HMCN1: variants seen among roughly 807,000 people sequenced by gnomAD.
HMCN1 encodes the protein hemicentin 1.
A neutral mutation model predicts 625.9 loss-of-function variants in HMCN1; 321 were observed. The observed-to-expected ratio is 0.51, with a 90% CI of 0.47 to 0.56. The LOEUF (loss-of-function observed/expected upper bound fraction) is 0.56. Among genes scored for constraint, HMCN1 ranks in the 20% least tolerant of loss-of-function variants. The pLI is 0.00. For missense variants in HMCN1, 6,588 were observed against 6,887.3 expected (o/e 0.96, Z 1.54); for synonymous variants, 2,425 against 2,417.6 (o/e 1.00, Z -0.09).
intron 100 of HMCN1, 80 bp downstream of exon 100, chr1:186,167,022 T>C: frequency 6.4e-7 from 1 of 1,556,200 alleles, no homozygotes; most frequent in Non-Finnish European, 8.9e-7. Context: ...AAGTTAACTG[T>C]CTCAGAAACT....
rs193921043 is a variant in HMCN1 at position 186,189,762 on chromosome 1, C to A, written c.16792C>A (p.Arg5598=). ...AGTGGTGTATACAACACGACCACTA[C>A]GAGAAGCAGAGACCTACCGCATGAG... The part of the protein sequence containing the change: ...KGVVYTTRPL[R]EAETYRMRVR... Residue 5598 remains arginine (R), a synonymous_variant, in exon 107 of 107, where the codon CGA becomes AGA. Coordinates refer to ENST00000271588, the MANE Select transcript of HMCN1 (RefSeq NM_031935.3). 3 of 1,613,674 alleles carry A rather than the reference C, an allele frequency of 1.9e-6. No individual in the cohort carries two copies. The Admixed American group carries it at 5.0e-5, about 27-fold the overall frequency.
intron 81 of HMCN1, among the ~76,000 whole-genome samples, chr1:186,123,624 A>G (rs553510633): frequency 6.6e-6 from 1 of 152,172 alleles, no homozygotes; most frequent in Non-Finnish European, 1.5e-5. Flanking sequence ...GAGAATTAGG[A>G]GATCTATTTG....
intron 1 of HMCN1, among the ~76,000 whole-genome samples, chr1:185,840,381 G>A (rs1661405871): frequency 6.6e-6 from 1 of 152,098 alleles, no homozygotes; most frequent in Non-Finnish European, 1.5e-5. Context: ...CTTATATTAA[G>A]TGACTAAGAG....
At chr1:186,017,641 A>G (rs965502468) in intron 33 of HMCN1, among the ~76,000 whole-genome samples, 2 of 152,078 alleles carry the variant, frequency 1.3e-5, no homozygotes, top group African/African-American at 2.4e-5. Flanking sequence ...AAATTCAGAA[A>G]TGTAAAAATA....
chr1:185,822,285 G>A (rs892717367), intron 1 of HMCN1, among the ~76,000 whole-genome samples: 5 of 152,134 alleles, frequency 3.3e-5, no homozygotes, highest in South Asian at 2.1e-4. Flanking sequence ...TGATAATGGC[G>A]GAGGTTGTGG....
At chr1:185,912,712 A>G (rs1259288118) in intron 6 of HMCN1, among the ~76,000 whole-genome samples, 2 of 151,482 alleles carry the variant, frequency 1.3e-5, no homozygotes, top group Admixed American at 1.3e-4. Context: ...GAAGGAACAC[A>G]CTCCAGGTGT....
chr1:185,925,872 T>C (rs1352321835), intron 9 of HMCN1, among the ~76,000 whole-genome samples: 1 of 152,152 alleles, frequency 6.6e-6, no homozygotes, highest in Non-Finnish European at 1.5e-5. Context: ...AGGAGGCCAG[T>C]ATGGCTGAAG....
intron 70 of HMCN1, 138 bp from the exon 71 acceptor site, chr1:186,108,319 CTGTT>C (rs1046453687): frequency 7.6e-7 from 1 of 1,313,694 alleles, no homozygotes; most frequent in African/African-American, 1.5e-5. Flanking sequence ...ACACTTCCCA[CTGTT>C]TGTAATTATC....
chr1:185,900,675 T>C (rs550176259), intron 4 of HMCN1, among the ~76,000 whole-genome samples: 4 of 152,058 alleles, frequency 2.6e-5, no homozygotes, highest in Non-Finnish European at 5.9e-5. Flanking sequence ...TGCTCTATTA[T>C]ATGACATTTG....
chr1:186,001,487 T>C, intron 27 of HMCN1, 59 bp downstream of exon 27: 2 of 1,602,044 alleles, frequency 1.2e-6, no homozygotes, highest in Non-Finnish European at 1.7e-6. Flanking sequence ...AGTAGGTTGT[T>C]CAGATGTTCA....
chr1:185,979,605 A>C (rs1651476152), intron 16 of HMCN1, among the ~76,000 whole-genome samples: 1 of 152,220 alleles, frequency 6.6e-6, no homozygotes, highest in African/African-American at 2.4e-5. Context: ...AAAATATCCC[A>C]GTTAGAACTA....
Position 186,069,745 on chromosome 1 carries a change from A to G in HMCN1, c.7962A>G (p.Glu2654=). ...YSCVATNEAG[E]MIKHYEVKVY... Reference sequence around the variant, plus strand: ...GTGTAGCCACGAATGAGGCTGGAGAAATGATAAAGCACTATGAAGTGAAGG... The same window carrying G: ...GTGTAGCCACGAATGAGGCTGGAGAGATGATAAAGCACTATGAAGTGAAGG... Residue 2654 remains glutamate, a synonymous_variant, in exon 51 of 107, where the codon GAA becomes GAG. Coordinates refer to ENST00000271588, the MANE Select transcript of HMCN1 (RefSeq NM_031935.3). The G allele has an allele frequency of 6.2e-7, 1 of 1,613,186 alleles. No homozygotes were observed. Among genetic ancestry groups the G allele is most frequent in the Non-Finnish European group, 8.5e-7 (1 of 1,179,414 alleles).
chr1:186,017,498 T>G (rs1488718270), intron 33 of HMCN1, among the ~76,000 whole-genome samples: 2 of 152,058 alleles, frequency 1.3e-5, no homozygotes, highest in Non-Finnish European at 2.9e-5. Flanking sequence ...TTTTTCTTCT[T>G]CTTTAATTTT....
chr1:186,082,625 AT>A lies in HMCN1; in HGVS notation c.8788-232del, dbSNP rs929358157. The stretch of plus-strand genomic sequence containing the variant: ...GAGAAATGGGAGAATAATTTGGGAC[AT>A]TTTTTTTCTAGTCAACATACCACAA... On this transcript the variant is annotated intron_variant, in intron 56 of 106. Transcript: ENST00000271588. Among the ~76,000 whole-genome samples the A allele has an allele frequency of 9.2e-5, 14 of 151,828 alleles. 1 individual carries two copies. The highest frequency in any genetic ancestry group is 3.4e-4 in the African/African-American group (14 of 41,328).
At chr1:186,059,692 A>G (rs1423779156) in intron 46 of HMCN1, among the ~76,000 whole-genome samples, 4 of 152,182 alleles carry the variant, frequency 2.6e-5, no homozygotes, top group Admixed American at 2.6e-4. Flanking sequence ...GAATTTAAGC[A>G]TAGCTTTTCT....
chr1:186,087,358 C>A lies in HMCN1; in HGVS notation c.9160+28C>A, dbSNP rs74136022. On this transcript the variant is annotated intron_variant, in intron 59 of 106. Transcript: ENST00000271588. The stretch of plus-strand genomic sequence containing the variant: ...TCGTTTTTACTCTCTTCATAAAATT[C>A]TTTTATTTTAAAACTGGTATTCAAT... 1.9e-3 allele frequency: 3,040 copies of A among 1,601,206 alleles called. 41 individuals carry two copies. The African/African-American group carries it at 0.031, about 16-fold the overall frequency.
At chr1:186,122,444 A>G (rs942132497) in intron 80 of HMCN1, among the ~76,000 whole-genome samples, 27 of 152,310 alleles carry the variant, frequency 1.8e-4, no homozygotes, top group Admixed American at 1.0e-3. Context: ...TTTTACCTAT[A>G]TAATTATTTT....
At chr1:186,086,175 A>T in intron 57 of HMCN1, 71 bp from the exon 58 acceptor site, 1 of 1,385,696 alleles carries the variant, frequency 7.2e-7, no homozygotes. Context: ...CAGTGGTTGG[A>T]TTTATATTTA....
chr1:185,965,247 A>C (rs965869744), intron 13 of HMCN1, among the ~76,000 whole-genome samples: 2 of 151,984 alleles, frequency 1.3e-5, no homozygotes, highest in Non-Finnish European at 2.9e-5. Context: ...AAACCAGGAG[A>C]CTCTACTTTT....
Sources: gnomAD v4.1 joint callset for allele counts (sites outside exome capture counted in the v4.1 genomes callset) on GRCh38, gnomAD v4.1.1 for gene constraint, MANE v1.5 for transcripts, NCBI Gene and HGNC (gene_info 2026-07-23, HGNC 2026-07-21) for gene names.